Variants in RIMKLA observed in about 807,000 individuals in gnomAD.
The protein encoded by RIMKLA is N-acetylaspartylglutamate synthase A.
In RIMKLA, 14 loss-of-function variants were observed where a neutral mutation model predicts 32.7. The observed-to-expected ratio is 0.43, with a 90% CI of 0.28 to 0.67. The LOEUF is 0.67. Ranked by LOEUF, RIMKLA falls within the 30% of genes least tolerant of loss-of-function variation. The probability of loss-of-function intolerance (pLI) is 0.18; values close to 1 mark genes in which losing one functional copy is unlikely to be tolerated. For missense variants in RIMKLA, 410 were observed against 519.0 expected, an observed-to-expected ratio of 0.79 and a Z score of 2.04; for synonymous variants, 176 against 204.1, an observed-to-expected ratio of 0.86 and a Z score of 1.18.
rs1292212671 is a variant in RIMKLA, at chr1:42,399,473, C to T, written c.233C>T (p.Ser78Leu). The stretch of plus-strand genomic sequence containing the variant: ...GTGCTTGTACGGGTACCCACACCCT[C>T]AGTGCAGTCAGACAGTGACATCACT... The part of the protein sequence containing the change: ...DVVLVRVPTP[S>L]VQSDSDITVL... The change falls in exon 2 of 5, where the codon TCA becomes TTA. Residue 78 changes from serine to leucine, a missense_variant. Physicochemically the swap from Ser to Leu is moderately radical, Grantham distance 145. Transcript: ENST00000431473. The T allele has an allele frequency of 1.1e-5, 17 of 1,613,364 alleles. No individual in the cohort carries two copies. Among genetic ancestry groups the T allele is most frequent in the Non-Finnish European group, 1.4e-5 (17 of 1,179,798 alleles).
At chr1:42,411,648 TTATTTA>T (rs1422201188) in intron 4 of RIMKLA, among the ~76,000 whole-genome samples, 7 of 17,390 alleles carry the variant, frequency 4.0e-4, no homozygotes, top group African/African-American at 3.1e-3. Flanking sequence ...TTTATTTTTA[TTATTTA>T]TTTATTTATT....
intron 4 of RIMKLA, among the ~76,000 whole-genome samples, chr1:42,413,485 CAG>C (rs2148396348): frequency 8.0e-6 from 1 of 124,344 alleles, no homozygotes; most frequent in East Asian, 2.6e-4. Flanking sequence ...GCCTAGGTGA[CAG>C]AGTAAGAGTC....
In RIMKLA at chr1:42,422,273, A is replaced by G. The variant is rs972523036; in HGVS notation, c.*7299A>G. The stretch of plus-strand genomic sequence containing the variant: ...CTGCTTGTTCTGTCTAACTTCTGTG[A>G]TTTCAACACTTGAGAAAGATGTTTA... On this transcript the variant is annotated 3_prime_UTR_variant, in exon 5 of 5. Coordinates refer to ENST00000431473, the MANE Select transcript of RIMKLA (RefSeq NM_173642.4). The G allele has an allele frequency of 1.3e-5, 2 of 152,260 alleles. No individual in the cohort carries two copies. Among genetic ancestry groups the G allele is most frequent in the Non-Finnish European group, 2.9e-5 (2 of 68,048 alleles). The allele number at this position is 152,260 out of a possible 1,614,324, so 9.4% of individuals were successfully genotyped here. A position where few individuals can be genotyped will look rare whatever the true frequency, so the allele number is the denominator to read the frequency against.
At chr1:42,384,877 C>G (rs534682140) in intron 1 of RIMKLA, among the ~76,000 whole-genome samples, 1 of 152,228 alleles carries the variant, frequency 6.6e-6, no homozygotes, top group South Asian at 2.1e-4. Context: ...AAAATTCCCT[C>G]TGCCTCAGAT....
At chr1:42,408,728 G>A (rs1326241435) in intron 3 of RIMKLA, among the ~76,000 whole-genome samples, 10 of 152,144 alleles carry the variant, frequency 6.6e-5, no homozygotes, top group South Asian at 4.2e-4. Context: ...GCCTGGGACT[G>A]GTCTTTTTAT....
At chr1:42,409,169 T>C (rs60420788) in intron 3 of RIMKLA, among the ~76,000 whole-genome samples, 25,575 of 126,580 alleles carry the variant, frequency 0.2, 2,399 homozygotes, top group East Asian at 0.27. Context: ...GCCACTGCAC[T>C]ATAGCCTGGG....
At chr1:42,385,844 C>CTTTCTTTCTTTCTT (rs1553175520) in intron 1 of RIMKLA, among the ~76,000 whole-genome samples, 1 of 56,996 alleles carries the variant, frequency 1.8e-5, no homozygotes, top group East Asian at 3.2e-4. Flanking sequence ...TTCTTTCTTT[C>CTTTCTTTCTTTCTT]TCTTTCTTTC....
At chr1:42,387,396 C>CAA (rs11418573) in intron 1 of RIMKLA, among the ~76,000 whole-genome samples, 129 of 148,468 alleles carry the variant, frequency 8.7e-4, no homozygotes, top group Non-Finnish European at 1.3e-3. Flanking sequence ...GACCCTGTTT[C>CAA]AAAAAAAAAA....
Position 42,380,816 on chromosome 1 carries a change from G to A in RIMKLA, c.-119G>A. ...TGCAGAGACGCCTGGCGCACCCGCGGGAGCGGAGCCGTGGCGCGCTCGCCC... is the reference window on the plus strand; with the variant it reads ...TGCAGAGACGCCTGGCGCACCCGCGAGAGCGGAGCCGTGGCGCGCTCGCCC... On this transcript the variant is annotated 5_prime_UTR_variant, in exon 1 of 5. Transcript: ENST00000431473. 2.2e-6 allele frequency: 1 copy of A among 465,020 alleles called. No individual in the cohort carries two copies. Among genetic ancestry groups the A allele is most frequent in the Non-Finnish European group, 2.9e-6 (1 of 339,688 alleles). 28.8% of individuals were successfully genotyped at this position (465,020 alleles called of 1,614,324 possible).
At chr1:42,392,223 C>T (rs1251056828) in intron 1 of RIMKLA, among the ~76,000 whole-genome samples, 1 of 152,134 alleles carries the variant, frequency 6.6e-6, no homozygotes, top group Admixed American at 6.5e-5. Flanking sequence ...AGATAATCAT[C>T]CTAACTGCTC....
chr1:42,416,087 C>CGGGGTG lies in RIMKLA; in HGVS notation c.*1117_*1118insTGGGGG, dbSNP rs1553177704. The stretch of plus-strand genomic sequence containing the variant: ...CAGGAATTACCCATTGCACATTTTG[C>CGGGGTG]GGGGGGGGGGGCTAATGTAGACATG... On this transcript the variant is annotated 3_prime_UTR_variant, in exon 5 of 5. Coordinates refer to ENST00000431473, the MANE Select transcript of RIMKLA (RefSeq NM_173642.4). The CGGGGTG allele has an allele frequency of 2.4e-4, 23 of 95,690 alleles. No homozygotes were observed. The highest frequency in any genetic ancestry group is 1.3e-3 in the Admixed American group (11 of 8,590). The allele number at this position is 95,690 out of a possible 1,614,324, so 5.9% of individuals were successfully genotyped here.
intron 1 of RIMKLA, among the ~76,000 whole-genome samples, chr1:42,389,753 A>G (rs1233577531): frequency 6.6e-6 from 1 of 152,080 alleles, no homozygotes; most frequent in African/African-American, 2.4e-5. Flanking sequence ...GGCAAAGGTT[A>G]CAGTGAGCAG....
intron 1 of RIMKLA, among the ~76,000 whole-genome samples, chr1:42,396,807 A>G (rs1643052288): frequency 6.6e-6 from 1 of 152,192 alleles, no homozygotes; most frequent in Non-Finnish European, 1.5e-5. Flanking sequence ...TATGTATAGC[A>G]TTTTATAGTT....
rs1355025621 is a variant in RIMKLA at position 42,418,280 on chromosome 1, G to GA, written c.*3311dup. 1.3e-5 allele frequency: 2 copies of GA among 152,200 alleles called. No individual in the cohort carries two copies. The highest frequency in any genetic ancestry group is 1.3e-4 in the Admixed American group (2 of 15,280). The allele number at this position is 152,200 out of a possible 1,614,324, so 9.4% of individuals were successfully genotyped here. A position where few individuals can be genotyped will look rare whatever the true frequency, so the allele number is the denominator to read the frequency against. ...TCAGAATATACGATTCTGCACTTGGGAAAAATGTCTTCATGCTGTTTTTCT... is the reference window on the plus strand; with the variant it reads ...TCAGAATATACGATTCTGCACTTGGGAAAAAATGTCTTCATGCTGTTTTTCT... On this transcript the variant is annotated 3_prime_UTR_variant, in exon 5 of 5. Transcript: ENST00000431473.
intron 1 of RIMKLA, among the ~76,000 whole-genome samples, chr1:42,392,978 C>G (rs1038696035): frequency 1.3e-5 from 2 of 152,056 alleles, no homozygotes; most frequent in African/African-American, 4.8e-5. Context: ...GATGACAGAG[C>G]AAGACCCTGT....
chr1:42,410,325 A>G (rs1643186506), intron 4 of RIMKLA, 138 bp downstream of exon 4: 3 of 724,018 alleles, frequency 4.1e-6, no homozygotes, highest in Non-Finnish European at 2.3e-6. Context: ...ACTCTTTCCT[A>G]TGGCAGCAAG....
chr1:42,404,454 G>A, intron 2 of RIMKLA, 57 bp from the exon 3 acceptor site: 1 of 1,181,592 alleles, frequency 8.5e-7, no homozygotes, highest in Non-Finnish European at 1.3e-6. Flanking sequence ...CGGGGCTGGG[G>A]TGACCGCTAC....
chr1:42,424,104 T>G lies in RIMKLA; in HGVS notation c.*9130T>G, dbSNP rs575183320. Among the ~76,000 whole-genome samples, 6 of 152,364 alleles carry G rather than the reference T, an allele frequency of 3.9e-5. No homozygotes were observed. The highest frequency in any genetic ancestry group is 1.4e-4 in the African/African-American group (6 of 41,584). On this transcript the variant is annotated 3_prime_UTR_variant, in exon 5 of 5. Transcript: ENST00000431473. ...AAGGACATTATTAAGACAACTGGTC[T>G]GTACTGTATTGCCTGATAGTATCAT...
chr1:42,385,871 TTTC>T lies in RIMKLA; in HGVS notation c.163+4777_163+4779del, dbSNP rs1557750057. 2.1e-5 allele frequency among the ~76,000 whole-genome samples: 2 copies of T among 94,016 alleles called. 1 individual carries two copies. Among genetic ancestry groups the T allele is most frequent in the African/African-American group, 7.8e-5 (2 of 25,800 alleles). 61.7% of individuals were successfully genotyped at this position (94,016 alleles called of 152,430 possible). ...CTTTCTTTCTTTCTTTCTTTCTTTC[TTTC>T]TTTCTTTCTTTCTTTCTTTCTTTCC... is the stretch of plus-strand genomic sequence containing the variant. On this transcript the variant is annotated intron_variant, in intron 1 of 4. Transcript: ENST00000431473.
Sources: allele counts gnomAD v4.1 joint callset (sites outside exome capture counted in the v4.1 genomes callset), GRCh38; gene constraint gnomAD v4.1.1; transcripts MANE v1.5; gene names NCBI Gene and HGNC (gene_info 2026-07-23, HGNC 2026-07-21).